Variants in CYGB observed in about 807,000 individuals in gnomAD.
CYGB encodes the protein histoglobin.
A neutral mutation model predicts 20.7 loss-of-function variants in CYGB; 13 were observed. The ratio of observed to expected loss-of-function variants is 0.63; its 90% CI spans 0.41 to 1.00. The LOEUF is 1.00. Ranked by LOEUF, CYGB falls within the 50% of genes least tolerant of loss-of-function variation. The pLI is 0.00. For synonymous variants in CYGB, 93 were observed against 107.4 expected, an observed-to-expected ratio of 0.87 and a Z score of 0.83; for missense variants, 218 against 257.2, an observed-to-expected ratio of 0.85 and a Z score of 1.04.
chr17:76,527,806 T>C lies in CYGB; in HGVS notation c.*772A>G, dbSNP rs533483068. The C allele has an allele frequency of 3.1e-5, 14 of 453,930 alleles. No homozygotes were observed. Among genetic ancestry groups the C allele is most frequent in the Non-Finnish European group, 5.7e-5 (13 of 226,686 alleles). 28.1% of individuals were successfully genotyped at this position (453,930 alleles called of 1,614,324 possible). ...GCGGTCATCCCACCCAGAACTTCGC[T>C]CTGCCCCTGCCCATTCTAGGACAGC... On this transcript the variant is annotated 3_prime_UTR_variant, in exon 4 of 4. Transcript: ENST00000293230.
chr17:76,550,819 A>T (rs760723727), intron 1 of CYGB: 10 of 152,238 alleles, frequency 6.6e-5, no homozygotes, highest in Non-Finnish European at 1.2e-4. Flanking sequence ...GAGTGTTCAA[A>T]GTATGTTGAA....
chr17:76,537,324 C>T, intron 1 of CYGB, 76 bp downstream of exon 1: 1 of 1,429,954 alleles, frequency 7.0e-7, no homozygotes, highest in South Asian at 1.3e-5. Context: ...AGCTCGGACC[C>T]GGGCCCAGCC....
At chr17:76,536,801 G>A (rs936017692) in intron 1 of CYGB, among the ~76,000 whole-genome samples, 2 of 152,152 alleles carry the variant, frequency 1.3e-5, no homozygotes, top group African/African-American at 4.8e-5. Flanking sequence ...GGGACTGTTT[G>A]CTTCTCCACT....
rs189599263 is a variant in CYGB, at chr17:76,544,888, G to A, written c.-53+5974C>T. 4.1e-3 allele frequency: 1,894 copies of A among 456,766 alleles called. 53 individuals carry two copies. The Admixed American group carries it at 0.043, about 10-fold the overall frequency. The allele number at this position is 456,766 out of a possible 1,614,324, so 28.3% of individuals were successfully genotyped here. On this transcript the variant is annotated intron_variant, in intron 1 of 3. Transcript: ENST00000589145. ...CCCAGACGCACTTCCCCAGGGCAGCGCCCCTCCACGCCACTGTTCCGAGAA... is the reference window on the plus strand; with the variant it reads ...CCCAGACGCACTTCCCCAGGGCAGCACCCCTCCACGCCACTGTTCCGAGAA...
intron 1 of CYGB, among the ~76,000 whole-genome samples, chr17:76,547,796 A>C (rs2075067463): frequency 6.6e-6 from 1 of 150,668 alleles, no homozygotes; most frequent in East Asian, 1.9e-4. Flanking sequence ...AGACATACAC[A>C]CATTCACAGA....
chr17:76,537,229 G>C (rs1304052658), intron 1 of CYGB, among the ~76,000 whole-genome samples, 171 bp downstream of exon 1: 2 of 152,184 alleles, frequency 1.3e-5, no homozygotes, highest in South Asian at 4.1e-4. Flanking sequence ...GCTCAACCCA[G>C]GCTTCGTTCA....
upstream of CYGB, chr17:76,540,525 G>C (rs374419323): frequency 3.7e-6 from 6 of 1,613,686 alleles, no homozygotes; most frequent in Non-Finnish European, 5.1e-6. The surrounding 1 kb of genome is among the most constrained non-coding windows in gnomAD (Gnocchi z 5.0). Flanking sequence ...GACGTGGATG[G>C]GGCAGCTAGG....
upstream of CYGB, chr17:76,539,909 A>G: frequency 1.7e-6 from 1 of 592,226 alleles, no homozygotes; most frequent in Non-Finnish European, 3.0e-6. Context: ...TCAATGCCAC[A>G]GTGCATGCCT....
At chr17:76,545,305 G>A in intron 1 of CYGB, 1 of 456,754 alleles carries the variant, frequency 2.2e-6, no homozygotes, top group Non-Finnish European at 4.4e-6. Flanking sequence ...TCCCATCACA[G>A]GGCTTAGTGT....
rs1236458836 is a variant in CYGB at position 76,528,264 on chromosome 17, C to T, written c.*314G>A. On this transcript the variant is annotated 3_prime_UTR_variant, in exon 4 of 4. Transcript: ENST00000293230. This position sits in a 1 kb window ranked among gnomAD's most constrained non-coding sequence, Gnocchi z 5.8. ...CTGATAGAAACGGGGCTGGTTTATT[C>T]CCTAAGGGACTCCTAGACCTGTCCC... 1.5e-5 allele frequency: 6 copies of T among 399,346 alleles called. No homozygotes were observed. Among genetic ancestry groups the T allele is most frequent in the Non-Finnish European group, 2.2e-5 (5 of 226,792 alleles). The allele number at this position is 399,346 out of a possible 1,614,324, so 24.7% of individuals were successfully genotyped here.
chr17:76,543,554 A>G (rs2075016931), intron 1 of CYGB, among the ~76,000 whole-genome samples: 1 of 152,224 alleles, frequency 6.6e-6, no homozygotes, highest in Non-Finnish European at 1.5e-5. Context: ...AATTTGCCCA[A>G]CATCACCTAG....
rs2074848092 is a variant in CYGB, at chr17:76,531,799, C to A, written c.144-108G>T. The A allele has an allele frequency of 1.2e-6, 1 of 866,252 alleles. No homozygotes were observed. The highest frequency in any genetic ancestry group is 1.7e-5 in the African/African-American group (1 of 59,110). 53.7% of individuals were successfully genotyped at this position (866,252 alleles called of 1,614,324 possible). The stretch of plus-strand genomic sequence containing the variant: ...AGAAGTGGACCGCAGTGCTCCCCAC[C>A]CCCGCACCGTCACTGTTTTCACTAC... On this transcript the variant is annotated intron_variant, in intron 1 of 3. Transcript: ENST00000293230. The surrounding 1 kb of genome is among the most constrained non-coding windows in gnomAD (Gnocchi z 7.4).
Position 76,527,794 on chromosome 17 carries a change from C to T in CYGB, c.*784G>A. 4.4e-6 allele frequency: 2 copies of T among 453,996 alleles called. No homozygotes were observed. The highest frequency in any genetic ancestry group is 8.8e-6 in the Non-Finnish European group (2 of 226,700). 28.1% of individuals were successfully genotyped at this position (453,996 alleles called of 1,614,324 possible). On this transcript the variant is annotated 3_prime_UTR_variant, in exon 4 of 4. Transcript: ENST00000293230. ...CCCTCCCCCAGTGCGGTCATCCCAC[C>T]CAGAACTTCGCTCTGCCCCTGCCCA...
Position 76,531,669 on chromosome 17 carries a change from C to T in CYGB, c.166G>A (p.Ala56Thr). 1 of 1,597,078 alleles carries T rather than the reference C, an allele frequency of 6.3e-7. No homozygotes were observed. The highest frequency in any genetic ancestry group is 2.3e-5 in the East Asian group (1 of 44,350). The change falls in exon 2 of 4, where the codon GCC becomes ACC. Residue 56 changes from alanine to threonine, a missense_variant. Around this residue, in one of 2 missense-constraint regions of CYGB, gnomAD observed 152 missense variants for 149.9 expected, o/e 1.01. Transcript: ENST00000293230. The surrounding 1 kb of genome is among the most constrained non-coding windows in gnomAD (Gnocchi z 7.4). The stretch of plus-strand genomic sequence containing the variant: ...TTGAACTGGCTGAAGTACTGCTTGG[C>T]CGAGGGGAAGTTCACAAAGAACCTG... ...LVRFFVNFPS[A>T]KQYFSQFKHM...
chr17:76,543,956 C>T (rs1438981947), intron 1 of CYGB: 8 of 467,776 alleles, frequency 1.7e-5, no homozygotes, highest in Non-Finnish European at 3.1e-5. Flanking sequence ...CGCGTGTGTT[C>T]CAAACGGGCA....
At position 76,528,507 on chromosome 17, in the gene CYGB, G is replaced by T; in HGVS notation, c.*71C>A. 2 of 1,219,648 alleles carry T rather than the reference G, an allele frequency of 1.6e-6. No individual in the cohort carries two copies. Among genetic ancestry groups the T allele is most frequent in the South Asian group, 3.0e-5 (1 of 33,194 alleles). 75.6% of individuals were successfully genotyped at this position (1,219,648 alleles called of 1,614,324 possible). A position where few individuals can be genotyped will look rare whatever the true frequency, so the allele number is the denominator to read the frequency against. On this transcript the variant is annotated 3_prime_UTR_variant, in exon 4 of 4. Transcript: ENST00000293230. This position sits in a 1 kb window ranked among gnomAD's most constrained non-coding sequence, Gnocchi z 5.8. ...CTTCCTTGGCACCCAGAAATGGAGC[G>T]TCAAGGAGGGTCTTCAGAACTCGGC...
At chr17:76,540,662 CGCGCCTGT>C, upstream of CYGB, 1 of 1,309,228 alleles carries the variant, frequency 7.6e-7, no homozygotes, top group South Asian at 1.2e-5. This position sits in a 1 kb window ranked among gnomAD's most constrained non-coding sequence, Gnocchi z 5.0. Flanking sequence ...TGTGCCTGTG[CGCGCCTGT>C]GCGTGCACCG....
chr17:76,535,043 G>C (rs903502449), intron 1 of CYGB, among the ~76,000 whole-genome samples: 1 of 152,254 alleles, frequency 6.6e-6, no homozygotes, highest in Non-Finnish European at 1.5e-5. Flanking sequence ...GTCTGAGTGT[G>C]AGGAGGAAGG....
In CYGB at chr17:76,548,765, A is replaced by T. The variant is rs1454575245; in HGVS notation, c.-53+2097T>A. Among the ~76,000 whole-genome samples, 3 of 152,378 alleles carry T rather than the reference A, an allele frequency of 2.0e-5. No individual in the cohort carries two copies. In the East Asian group the frequency reaches 5.8e-4, roughly 29 times the overall value. On this transcript the variant is annotated intron_variant, in intron 1 of 3. Transcript: ENST00000589145. ...GTGTCTGGAGTGCTGTGTGCCAGGC[A>T]CTGTGGATCCAGAAACGGATTAAGA...
Sources: allele counts gnomAD v4.1 joint callset (sites outside exome capture counted in the v4.1 genomes callset), GRCh38; gene constraint gnomAD v4.1.1; regional missense constraint gnomAD v4.1.1; non-coding constraint Gnocchi (gnomAD v3.1); transcripts MANE v1.5; gene names NCBI Gene and HGNC (gene_info 2026-07-23, HGNC 2026-07-21).